Variants in DACH1 observed in about 807,000 individuals in gnomAD.
The protein encoded by DACH1 is dachshund homolog 1.
In DACH1, 12 loss-of-function variants were observed where a neutral mutation model predicts 54.2. That is an observed-to-expected ratio of 0.22 (90% confidence interval 0.14 to 0.36). The LOEUF is 0.36. Ranked by LOEUF, DACH1 falls within the 10% of genes least tolerant of loss-of-function variation. The pLI is 1.00. For synonymous variants in DACH1, 386 were observed against 366.2 expected, an observed-to-expected ratio of 1.05 and a Z score of -0.62; for missense variants, 805 against 929.8, an observed-to-expected ratio of 0.87 and a Z score of 1.75.
chr13:71,659,803 C>T (rs996371891), intron 2 of DACH1, among the ~76,000 whole-genome samples: 6 of 152,060 alleles, frequency 3.9e-5, no homozygotes, highest in African/African-American at 1.2e-4. Flanking sequence ...GACTTTCAAA[C>T]TTTAATTTGA....
At chr13:71,464,786 G>A in intron 10 of DACH1, 5 of 445,276 alleles carry the variant, frequency 1.1e-5, no homozygotes, top group South Asian at 3.2e-5. Context: ...ATTTCATCAA[G>A]TGAGCACACA....
chr13:71,559,582 G>C (rs1397664966), intron 5 of DACH1, among the ~76,000 whole-genome samples: 1 of 152,074 alleles, frequency 6.6e-6, no homozygotes, highest in African/African-American at 2.4e-5. Flanking sequence ...CTGTTTCATA[G>C]CTCAAATCTT....
At chr13:71,668,266 C>A (rs150695081) in intron 2 of DACH1, among the ~76,000 whole-genome samples, 9 of 151,990 alleles carry the variant, frequency 5.9e-5, no homozygotes, top group African/African-American at 2.2e-4. Flanking sequence ...TTGCATAGTT[C>A]TTTGGAATAA....
chr13:71,819,168 C>T (rs918317662), intron 1 of DACH1, among the ~76,000 whole-genome samples: 1 of 152,180 alleles, frequency 6.6e-6, no homozygotes, highest in East Asian at 1.9e-4. Flanking sequence ...CCTGCAAGAA[C>T]TGTGTATTTT....
At chr13:71,805,087 A>G (rs1052080079) in intron 1 of DACH1, among the ~76,000 whole-genome samples, 1 of 152,198 alleles carries the variant, frequency 6.6e-6, no homozygotes, top group Non-Finnish European at 1.5e-5. Flanking sequence ...CTCAATACTC[A>G]CATGTCAGTA....
rs150287679 is a variant in DACH1 at position 71,751,347 on chromosome 13, T to A, written c.849-69437A>T. ...AACAACAGCTATGACAGCACCTAAATGCATTGAGAAGCCAAGATTTTTATC... is the reference window on the plus strand; with the variant it reads ...AACAACAGCTATGACAGCACCTAAAAGCATTGAGAAGCCAAGATTTTTATC... On this transcript the variant is annotated intron_variant, in intron 1 of 10. Coordinates refer to ENST00000613252, the MANE Select transcript of DACH1 (RefSeq NM_080759.6). Among the ~76,000 whole-genome samples, 814 of 152,338 alleles carry A rather than the reference T, an allele frequency of 5.3e-3. 2 individuals are homozygous for A. The highest frequency in any genetic ancestry group is 8.0e-3 in the Non-Finnish European group (544 of 68,030).
At chr13:71,836,401 A>G (rs1888786062) in intron 1 of DACH1, among the ~76,000 whole-genome samples, 1 of 152,108 alleles carries the variant, frequency 6.6e-6, no homozygotes, top group African/African-American at 2.4e-5. Context: ...TAGACGAGTA[A>G]GCTAAGACTC....
At chr13:71,472,168 T>C (rs915274893) in intron 10 of DACH1, among the ~76,000 whole-genome samples, 11 of 152,216 alleles carry the variant, frequency 7.2e-5, no homozygotes, top group Non-Finnish European at 1.2e-4. Context: ...TCTGTACTTA[T>C]AGCATTTTTA....
At chr13:71,445,692 A>G (rs941362784) in intron 10 of DACH1, among the ~76,000 whole-genome samples, 1 of 152,186 alleles carries the variant, frequency 6.6e-6, no homozygotes, top group Non-Finnish European at 1.5e-5. Context: ...TAATTTTGTC[A>G]TATTTATTAA....
At chr13:71,692,465 A>C (rs1257547612) in intron 1 of DACH1, among the ~76,000 whole-genome samples, 2 of 67,442 alleles carry the variant, frequency 3.0e-5, no homozygotes, top group African/African-American at 1.2e-4. Flanking sequence ...TGCCTGTGTT[A>C]TTTCTTTCTT....
intron 2 of DACH1, among the ~76,000 whole-genome samples, chr13:71,668,990 C>T (rs556813678): frequency 6.6e-6 from 1 of 152,190 alleles, no homozygotes; most frequent in Non-Finnish European, 1.5e-5. Flanking sequence ...TGGGAAAGAA[C>T]CCATAATTCC....
chr13:71,454,977 G>T (rs1209866236), intron 10 of DACH1, among the ~76,000 whole-genome samples: 3 of 152,304 alleles, frequency 2.0e-5, no homozygotes, highest in East Asian at 3.9e-4. Context: ...GTTTTAGTGT[G>T]TTAGTACCTC....
intron 1 of DACH1, among the ~76,000 whole-genome samples, chr13:71,742,938 TAA>T (rs1189625921): frequency 1.3e-5 from 2 of 152,184 alleles, no homozygotes. Flanking sequence ...AATCTTGTGG[TAA>T]AGTTTCTCCC....
chr13:71,819,443 G>A (rs1005421190), intron 1 of DACH1, among the ~76,000 whole-genome samples: 4 of 152,206 alleles, frequency 2.6e-5, no homozygotes, highest in African/African-American at 9.6e-5. Flanking sequence ...GAACTTAATA[G>A]AGTGTCATTG....
chr13:71,452,921 TCAAAAA>T (rs1342129337), intron 10 of DACH1, among the ~76,000 whole-genome samples: 1 of 152,196 alleles, frequency 6.6e-6, no homozygotes, highest in African/African-American at 2.4e-5. Context: ...TAAAAGCTTA[TCAAAAA>T]CAAAAACAAA....
chr13:71,583,001 T>G (rs920443405), intron 3 of DACH1, among the ~76,000 whole-genome samples: 14 of 152,158 alleles, frequency 9.2e-5, no homozygotes, highest in African/African-American at 3.4e-4. Context: ...GCCATGACAA[T>G]GAGAGTTAGA....
At chr13:71,683,532 GA>G (rs1257543685) in intron 1 of DACH1, among the ~76,000 whole-genome samples, 2 of 152,162 alleles carry the variant, frequency 1.3e-5, no homozygotes, top group African/African-American at 4.8e-5. Context: ...GAGACTTTCA[GA>G]GTTATTGCCT....
intron 3 of DACH1, among the ~76,000 whole-genome samples, chr13:71,622,265 T>C (rs2138545660): frequency 6.6e-6 from 1 of 152,092 alleles, no homozygotes; most frequent in South Asian, 2.1e-4. Flanking sequence ...TGGTGACAGG[T>C]GCATTGGGCT....
intron 6 of DACH1, among the ~76,000 whole-genome samples, chr13:71,527,641 C>T (rs565398895): frequency 6.6e-6 from 1 of 152,310 alleles, no homozygotes; most frequent in South Asian, 2.1e-4. Flanking sequence ...GTCTTTGCCA[C>T]TGGGCCCTCA....
Sources: allele counts gnomAD v4.1 joint callset (sites outside exome capture counted in the v4.1 genomes callset), GRCh38; gene constraint gnomAD v4.1.1; transcripts MANE v1.5; gene names NCBI Gene and HGNC (gene_info 2026-07-23, HGNC 2026-07-21).